Variants in GDNF observed in about 807,000 individuals in gnomAD.
GDNF encodes the protein glial cell derived neurotrophic factor, also known as glial cell line-derived neurotrophic factor.
A neutral mutation model predicts 13.7 loss-of-function variants in GDNF; 5 were observed. The observed-to-expected ratio is 0.36, with a 90% CI of 0.19 to 0.77. The LOEUF (loss-of-function observed/expected upper bound fraction) is 0.77. Among genes scored for constraint, GDNF ranks in the 30% least tolerant of loss-of-function variants. GDNF has a pLI of 0.51. For missense variants in GDNF, 246 were observed against 274.3 expected, an observed-to-expected ratio of 0.90 and a Z score of 0.73; for synonymous variants, 122 against 112.5, an observed-to-expected ratio of 1.08 and a Z score of -0.53.
At chr5:37,822,125 T>C (rs2111661369) in intron 2 of GDNF, among the ~76,000 whole-genome samples, 1 of 152,170 alleles carries the variant, frequency 6.6e-6, no homozygotes, top group East Asian at 1.9e-4. Flanking sequence ...GACAAAGTGG[T>C]GAGGACACAA....
At position 37,839,353 on chromosome 5, in the gene GDNF, C is replaced by T. The variant is rs1171734954; in HGVS notation, c.-27+154G>A. Reference sequence around the variant, plus strand: ...TCTACTTTTCTCTCTCCTCGCATAGCTTAGGTTCCCTCTAGTCTTTCCACT... The same window carrying T: ...TCTACTTTTCTCTCTCCTCGCATAGTTTAGGTTCCCTCTAGTCTTTCCACT... On this transcript the variant is annotated intron_variant, in intron 1 of 2. Transcript: ENST00000326524. This position sits in a 1 kb window ranked among gnomAD's most constrained non-coding sequence, Gnocchi z 5.5. Among the ~76,000 whole-genome samples, 5 of 152,208 alleles carry T rather than the reference C, an allele frequency of 3.3e-5. No individual in the cohort carries two copies. The highest frequency in any genetic ancestry group is 1.5e-5 in the Non-Finnish European group (1 of 68,034).
intron 2 of GDNF, among the ~76,000 whole-genome samples, chr5:37,821,343 A>C (rs1256788347): frequency 1.3e-5 from 2 of 152,216 alleles, no homozygotes; most frequent in African/African-American, 2.4e-5. Flanking sequence ...CTCTGTCTTC[A>C]TCCTTTAAAA....
At chr5:37,817,219 G>A (rs976688502) in intron 2 of GDNF, among the ~76,000 whole-genome samples, 8 of 152,140 alleles carry the variant, frequency 5.3e-5, no homozygotes, top group African/African-American at 1.2e-4. Context: ...GCTTTCTGCC[G>A]GATTTCAGTG....
intron 1 of GDNF, among the ~76,000 whole-genome samples, chr5:37,836,980 C>T (rs1750729950): frequency 1.3e-5 from 2 of 152,240 alleles, no homozygotes; most frequent in African/African-American, 4.8e-5. Flanking sequence ...CGGCCGAGCG[C>T]CGCCAGCGCC....
intron 2 of GDNF, among the ~76,000 whole-genome samples, chr5:37,821,983 T>C (rs762838619): frequency 1.2e-4 from 18 of 152,242 alleles, no homozygotes; most frequent in Non-Finnish European, 2.1e-4. Flanking sequence ...AAGGGTCATT[T>C]TTCTACTTGT....
At chr5:37,834,408 A>G (rs1750624048) in intron 2 of GDNF, among the ~76,000 whole-genome samples, 1 of 152,216 alleles carries the variant, frequency 6.6e-6, no homozygotes, top group Non-Finnish European at 1.5e-5. Flanking sequence ...AAGGAGCAGC[A>G]TAAAAATTCC....
intron 2 of GDNF, among the ~76,000 whole-genome samples, chr5:37,819,434 G>A (rs1336126655): frequency 6.7e-6 from 1 of 148,788 alleles, no homozygotes; most frequent in East Asian, 2.0e-4. Context: ...GCCCAGGGAA[G>A]TGCTCTTTTC....
chr5:37,825,753 C>CT (rs919563107), intron 2 of GDNF, among the ~76,000 whole-genome samples: 15 of 152,146 alleles, frequency 9.9e-5, no homozygotes, highest in Non-Finnish European at 2.1e-4. Context: ...CAGCTCTTCC[C>CT]AGGGGACCCA....
chr5:37,826,183 G>A lies in GDNF; in HGVS notation c.151+8463C>T, dbSNP rs545520054. ...GCCTCAATTTCCCCATCTTTCAAAT[G>A]GGGCTAGTCACACCTTTACCTTCAG... On this transcript the variant is annotated intron_variant, in intron 2 of 2. Coordinates refer to ENST00000326524, the MANE Select transcript of GDNF (RefSeq NM_000514.4). Among the ~76,000 whole-genome samples, 97 of 152,230 alleles carry A rather than the reference G, an allele frequency of 6.4e-4. 2 individuals are homozygous for A. The highest frequency in any genetic ancestry group is 3.9e-4 in the Admixed American group (6 of 15,292).
At chr5:37,824,743 C>T (rs1750247933) in intron 2 of GDNF, among the ~76,000 whole-genome samples, 1 of 152,090 alleles carries the variant, frequency 6.6e-6, no homozygotes, top group Non-Finnish European at 1.5e-5. Context: ...TTTGGTAGAC[C>T]GTCCTGATCA....
At chr5:37,823,739 C>G (rs1341135542) in intron 2 of GDNF, among the ~76,000 whole-genome samples, 1 of 152,174 alleles carries the variant, frequency 6.6e-6, no homozygotes, top group Admixed American at 6.5e-5. Context: ...TGATCAGCTG[C>G]GTGACCTTGG....
chr5:37,836,676 G>A (rs1457539779), intron 1 of GDNF, among the ~76,000 whole-genome samples: 2 of 152,228 alleles, frequency 1.3e-5, no homozygotes, highest in South Asian at 4.1e-4. Flanking sequence ...CCCCCCGCCG[G>A]TGCCAGCTCC....
chr5:37,815,819 G>A lies in GDNF; in HGVS notation c.468C>T (p.Tyr156=), dbSNP rs561764524. ...SGSCDAAETT[Y]DKILKNLSRN... is the part of the protein sequence containing the mutation. The stretch of plus-strand genomic sequence containing the variant: ...TGGATAAGTTTTTCAATATTTTGTC[G>A]TACGTTGTCTCAGCTGCATCGCAAG... Residue 156 remains tyrosine, a synonymous_variant, in exon 3 of 3, where the codon TAC becomes TAT. Coordinates refer to ENST00000326524, the MANE Select transcript of GDNF (RefSeq NM_000514.4). This position sits in a 1 kb window ranked among gnomAD's most constrained non-coding sequence, Gnocchi z 5.0. 39 of 1,614,026 alleles carry A rather than the reference G, an allele frequency of 2.4e-5. 1 individual carries two copies. The highest frequency in any genetic ancestry group is 1.7e-4 in the Admixed American group (10 of 60,020).
chr5:37,817,098 T>C (rs970927799), intron 2 of GDNF, among the ~76,000 whole-genome samples: 12 of 152,162 alleles, frequency 7.9e-5, no homozygotes, highest in African/African-American at 2.9e-4. Context: ...TCCCACTGTC[T>C]GGCTGCAAGC....
rs187488326 is a variant in GDNF at position 37,836,894 on chromosome 5, C to T, written c.-26-2072G>A. 8.1e-4 allele frequency among the ~76,000 whole-genome samples: 124 copies of T among 152,274 alleles called. 1 individual carries two copies. In the East Asian group the frequency reaches 0.023, roughly 28 times the overall value. ...TGGAGATCCTCAATTAGAAGTGTGGCGAAGCTGGCAAAAGACTACACAGTG... is the reference window on the plus strand; with the variant it reads ...TGGAGATCCTCAATTAGAAGTGTGGTGAAGCTGGCAAAAGACTACACAGTG... On this transcript the variant is annotated intron_variant, in intron 1 of 2. Coordinates refer to ENST00000326524, the MANE Select transcript of GDNF (RefSeq NM_000514.4).
rs2973051 is a variant in GDNF at position 37,813,438 on chromosome 5, C to T, written c.*2213G>A. 0.69 allele frequency: 104,342 copies of T among 151,894 alleles called. 36,202 individuals are homozygous for T. Among genetic ancestry groups the T allele is most frequent in the African/African-American group, 0.78 (32,487 of 41,418 alleles). 9.4% of individuals were successfully genotyped at this position (151,894 alleles called of 1,614,324 possible). A position where few individuals can be genotyped will look rare whatever the true frequency, so the allele number is the denominator to read the frequency against. ...TAATGAAAATCCCTTTTATGAAATGCGTAACAAGCTGTAATACAGGGCCTA... is the reference window on the plus strand; with the variant it reads ...TAATGAAAATCCCTTTTATGAAATGTGTAACAAGCTGTAATACAGGGCCTA... On this transcript the variant is annotated 3_prime_UTR_variant, in exon 3 of 3. Coordinates refer to ENST00000326524, the MANE Select transcript of GDNF (RefSeq NM_000514.4).
At chr5:37,826,005 T>A (rs1464085313) in intron 2 of GDNF, among the ~76,000 whole-genome samples, 1 of 152,124 alleles carries the variant, frequency 6.6e-6, no homozygotes, top group Admixed American at 6.5e-5. Flanking sequence ...ATTCCCTGAT[T>A]TTTTTTCCTT....
intron 2 of GDNF, among the ~76,000 whole-genome samples, chr5:37,833,588 C>A (rs978004752): frequency 1.3e-5 from 2 of 152,158 alleles, no homozygotes; most frequent in Non-Finnish European, 2.9e-5. Flanking sequence ...GGGGACTCAG[C>A]GCACAGCTGA....
At chr5:37,836,591 C>A (rs1470944885) in intron 1 of GDNF, among the ~76,000 whole-genome samples, 1 of 152,204 alleles carries the variant, frequency 6.6e-6, no homozygotes. Context: ...GAAAACTGCA[C>A]CAGGCCATGC....
Sources: gnomAD v4.1 joint callset for allele counts (sites outside exome capture counted in the v4.1 genomes callset) on GRCh38, gnomAD v4.1.1 for gene constraint, Gnocchi (gnomAD v3.1) non-coding constraint, MANE v1.5 for transcripts, NCBI Gene and HGNC (gene_info 2026-07-23, HGNC 2026-07-21) for gene names.